The following EBF4 variants were observed in gnomAD, a reference collection of about 807,000 sequenced individuals.
EBF4 encodes EBF transcription factor 4.
In EBF4, 34 loss-of-function variants were observed where a neutral mutation model predicts 67.1. The ratio of observed to expected loss-of-function variants is 0.51; its 90% CI spans 0.39 to 0.67. The LOEUF is 0.67. Among genes scored for constraint, EBF4 ranks in the 30% least tolerant of loss-of-function variants. EBF4 has a pLI of 0.00. For missense variants in EBF4, 837 were observed against 873.3 expected, an observed-to-expected ratio of 0.96 and a Z score of 0.52; for synonymous variants, 387 against 377.7, an observed-to-expected ratio of 1.02 and a Z score of -0.29.
intron 5 of EBF4, 57 bp downstream of exon 5, chr20:2,708,077 C>T (rs2087484521): frequency 1.3e-6 from 2 of 1,532,114 alleles, no homozygotes; most frequent in Non-Finnish European, 1.8e-6. Context: ...TCTGAGGACT[C>T]TACCCAGGCC....
At position 2,752,195 on chromosome 20, in the gene EBF4, TG is replaced by T; in HGVS notation, c.1286del (p.Gly429AlafsTer118). 7.0e-7 allele frequency: 1 copy of T among 1,426,172 alleles called. No individual in the cohort carries two copies. Among genetic ancestry groups the T allele is most frequent in the Non-Finnish European group, 9.2e-7 (1 of 1,090,566 alleles). The allele number at this position is 1,426,172 out of a possible 1,614,324, so 88.3% of individuals were successfully genotyped here. A position where few individuals can be genotyped will look rare whatever the true frequency, so the allele number is the denominator to read the frequency against. On this transcript the variant is annotated frameshift_variant, in exon 13 of 17. Transcript: ENST00000609451. LOFTEE classifies it high-confidence loss of function. Reference sequence around the variant, plus strand: ...CCGAGCCACCCACACCCCGCCGTCGTGGGCATCAACGCCTTCAGCAGCCCGC... The same window carrying T: ...CCGAGCCACCCACACCCCGCCGTCGTGGCATCAACGCCTTCAGCAGCCCGC...
At chr20:2,758,970 A>G (rs541947740) in exon 16 of EBF4, 478 of 1,551,632 alleles carry the variant, frequency 3.1e-4, no homozygotes, top group Non-Finnish European at 4.0e-4. Flanking sequence ...AGGGCCTGGC[A>G]TACTCCTAAT....
At chr20:2,732,623 A>G (rs2087829024) in intron 6 of EBF4, among the ~76,000 whole-genome samples, 1 of 152,030 alleles carries the variant, frequency 6.6e-6, no homozygotes, top group African/African-American at 2.4e-5. Flanking sequence ...CCTTTTGTAC[A>G]TTTGAATTTA....
At chr20:2,706,309 C>T (rs1429582432) in intron 4 of EBF4, 45 bp downstream of exon 4, 11 of 1,549,052 alleles carry the variant, frequency 7.1e-6, no homozygotes, top group African/African-American at 4.1e-5. Flanking sequence ...ACTCTCTTCC[C>T]GGACCCTGCC....
intron 6 of EBF4, among the ~76,000 whole-genome samples, chr20:2,746,145 T>C (rs2088047359): frequency 6.6e-6 from 1 of 151,880 alleles, no homozygotes; most frequent in Non-Finnish European, 1.5e-5. Flanking sequence ...CACATGTGGG[T>C]GTAGTGTGTT....
At chr20:2,728,803 TAC>T (rs983431248) in intron 6 of EBF4, among the ~76,000 whole-genome samples, 3 of 152,254 alleles carry the variant, frequency 2.0e-5, no homozygotes, top group Admixed American at 6.5e-5. Flanking sequence ...ATTTTTTTTT[TAC>T]ACAGTTTCCA....
intron 6 of EBF4, among the ~76,000 whole-genome samples, chr20:2,715,340 CTTGTTGTATTTAGCTGTAGT>C (rs1230168041): frequency 2.0e-5 from 3 of 152,218 alleles, no homozygotes; most frequent in Admixed American, 6.5e-5. Context: ...ATTTATCTAT[CTTGTTGTATTTAGCTGTAGT>C]TTGTTGTATT....
chr20:2,719,089 GT>G (rs1488909046), intron 6 of EBF4, among the ~76,000 whole-genome samples: 1 of 151,890 alleles, frequency 6.6e-6, no homozygotes, highest in Admixed American at 6.6e-5. Context: ...TTATCAATTT[GT>G]TTTATTTACT....
exon 14 of EBF4, chr20:2,752,544 C>G: frequency 8.0e-7 from 1 of 1,246,748 alleles, no homozygotes; most frequent in Non-Finnish European, 1.0e-6. Flanking sequence ...CGCCCTTCGC[C>G]AGTGAGTGTC....
rs190474634 is a variant in EBF4 at position 2,696,219 on chromosome 20, T to C, written c.137+2437T>C. 6.6e-6 allele frequency among the ~76,000 whole-genome samples: 1 copy of C among 152,212 alleles called. No homozygotes were observed. Among genetic ancestry groups the C allele is most frequent in the Admixed American group, 6.5e-5 (1 of 15,294 alleles). On this transcript the variant is annotated intron_variant, in intron 1 of 16. Transcript: ENST00000609451. This position sits in a 1 kb window ranked among gnomAD's most constrained non-coding sequence, Gnocchi z 4.7. ...GGGCGCGGTGGCTCACGCCTGTAAT[T>C]CCAGCACTTTGGGAGGCCAAGGTGG...
intron 6 of EBF4, 136 bp downstream of exon 6, chr20:2,709,778 A>G: frequency 1.1e-6 from 1 of 899,926 alleles, no homozygotes. Context: ...GGCTCTGAGC[A>G]GAGAGGGAAA....
intron 6 of EBF4, among the ~76,000 whole-genome samples, chr20:2,737,839 C>G (rs989803122): frequency 6.7e-6 from 1 of 150,216 alleles, no homozygotes; most frequent in Admixed American, 6.6e-5. Context: ...AAAAATGGCA[C>G]CTGTAGTCCC....
chr20:2,749,615 C>G lies in EBF4; in HGVS notation c.758-5C>G, dbSNP rs1465773494. The G allele has an allele frequency of 6.4e-7, 1 of 1,554,836 alleles. No homozygotes were observed. Among genetic ancestry groups the G allele is most frequent in the African/African-American group, 1.4e-5 (1 of 73,340 alleles). On this transcript the variant is annotated splice_polypyrimidine_tract_variant and splice_region_variant and intron_variant, in intron 8 of 16. Coordinates refer to ENST00000609451, the Ensembl canonical transcript of EBF4. The stretch of plus-strand genomic sequence containing the variant: ...CCCTGACCTGGGTCCTCTCCTGCCT[C>G]CCAGCTGCCACCCCCTGCATCAAGG...
At chr20:2,727,146 TA>T (rs1415307299) in intron 6 of EBF4, among the ~76,000 whole-genome samples, 1 of 152,116 alleles carries the variant, frequency 6.6e-6, no homozygotes, top group Non-Finnish European at 1.5e-5. Flanking sequence ...ATTATATGTA[TA>T]TACCACCTTT....
intron 6 of EBF4, among the ~76,000 whole-genome samples, chr20:2,732,427 T>C (rs1046315261): frequency 6.6e-6 from 1 of 152,254 alleles, no homozygotes; most frequent in Non-Finnish European, 1.5e-5. Context: ...CGGACTGTTA[T>C]TAGATACACA....
At chr20:2,716,324 C>T (rs1313525568) in intron 6 of EBF4, among the ~76,000 whole-genome samples, 3 of 151,210 alleles carry the variant, frequency 2.0e-5, no homozygotes, top group East Asian at 2.0e-4. Flanking sequence ...GTCGGGAGTT[C>T]GAGACTAGGC....
chr20:2,733,303 TTC>T lies in EBF4; in HGVS notation c.558-15233_558-15232del, dbSNP rs138935530. Among the ~76,000 whole-genome samples the T allele has an allele frequency of 2.1e-3, 321 of 151,848 alleles. 1 individual carries two copies. Among genetic ancestry groups the T allele is most frequent in the African/African-American group, 7.3e-3 (304 of 41,466 alleles). ...GGATTCCTTATATATGACGAGTTAC[TTC>T]TCTCTCTCTCTCATTGCTTCTCAGA... On this transcript the variant is annotated intron_variant, in intron 6 of 16. Transcript: ENST00000609451.
chr20:2,695,587 C>T (rs908446372), intron 1 of EBF4, among the ~76,000 whole-genome samples: 5 of 152,156 alleles, frequency 3.3e-5, no homozygotes. Flanking sequence ...GACTAGGAGC[C>T]CCCACTCGCT....
In EBF4 at chr20:2,747,209, G is replaced by T. The variant is rs2088062435; in HGVS notation, c.558-1340G>T. Among the ~76,000 whole-genome samples the T allele has an allele frequency of 6.6e-6, 1 of 152,082 alleles. No homozygotes were observed. The highest frequency in any genetic ancestry group is 1.5e-5 in the Non-Finnish European group (1 of 68,016). On this transcript the variant is annotated intron_variant, in intron 6 of 16. Transcript: ENST00000609451. This position sits in a 1 kb window ranked among gnomAD's most constrained non-coding sequence, Gnocchi z 4.6. ...TCCCCTGTAACTCGGGAAGCCAAGG[G>T]CTGAGGCAGGGACAATTGCTTGAAC... is the stretch of plus-strand genomic sequence containing the variant.
Sources: gnomAD v4.1 joint callset for allele counts (sites outside exome capture counted in the v4.1 genomes callset) on GRCh38, gnomAD v4.1.1 for gene constraint, Gnocchi (gnomAD v3.1) non-coding constraint, MANE v1.5 for transcripts, NCBI Gene and HGNC (gene_info 2026-07-23, HGNC 2026-07-21) for gene names.